KLF15: variants seen among roughly 807,000 people sequenced by gnomAD.
KLF15 encodes KLF transcription factor 15.
Under a neutral mutation model 24.6 loss-of-function variants are expected in KLF15, and 4 were observed. The ratio of observed to expected loss-of-function variants is 0.16; its 90% confidence interval spans 0.08 to 0.37. The LOEUF is 0.37. Ranked by LOEUF, KLF15 falls within the 10% of genes least tolerant of loss-of-function variation. The pLI, the probability that KLF15 is intolerant of heterozygous loss-of-function variation, is 1.00. For synonymous variants in KLF15, 246 were observed against 236.3 expected, an observed-to-expected ratio of 1.04 and a Z score of -0.37; for missense variants, 496 against 560.6, an observed-to-expected ratio of 0.88 and a Z score of 1.16.
At chr3:126,338,828 C>T (rs543261880), downstream of KLF15, among the ~76,000 whole-genome samples, 11 of 152,224 alleles carry the variant, frequency 7.2e-5, no homozygotes, top group East Asian at 1.5e-3. Flanking sequence ...CGTAGCCTTG[C>T]GCCTCACTCT....
chr3:126,346,270 T>A (rs2107552503), intron 2 of KLF15, among the ~76,000 whole-genome samples: 1 of 151,924 alleles, frequency 6.6e-6, no homozygotes, highest in South Asian at 2.1e-4. Flanking sequence ...AGACACAGAG[T>A]GCCACGCCTC....
At chr3:126,344,046 TC>T in intron 2 of KLF15, 151 bp from the exon 3 acceptor site, 5 of 747,490 alleles carry the variant, frequency 6.7e-6, no homozygotes, top group Non-Finnish European at 1.0e-5. Flanking sequence ...TAGGGGAGGG[TC>T]CCCCATCTAC....
chr3:126,353,222 A>T (rs1048413888), intron 1 of KLF15, among the ~76,000 whole-genome samples: 1 of 152,226 alleles, frequency 6.6e-6, no homozygotes, highest in Non-Finnish European at 1.5e-5. Context: ...AATAGCACAT[A>T]TGTCTGTGAA....
At chr3:126,302,351 A>G in the KLF15 span, among the ~76,000 whole-genome samples, 14 of 152,330 alleles carry the variant, frequency 9.2e-5, no homozygotes, top group South Asian at 2.7e-3. Context: ...ATATGTATCT[A>G]CTGTTATTGA....
At chr3:126,308,034 C>G in the KLF15 span, among the ~76,000 whole-genome samples, 2 of 152,202 alleles carry the variant, frequency 1.3e-5, no homozygotes, top group Non-Finnish European at 2.9e-5. Flanking sequence ...AGCTACCAAG[C>G]TGGGTCCTTA....
At chr3:126,355,299 A>C (rs909297076) in intron 1 of KLF15, among the ~76,000 whole-genome samples, 17 of 152,252 alleles carry the variant, frequency 1.1e-4, no homozygotes, top group Non-Finnish European at 2.4e-4. Context: ...GGAAGGAAAC[A>C]CCCTCCAATG....
At chr3:126,330,554 A>G in the KLF15 span, among the ~76,000 whole-genome samples, 1 of 150,204 alleles carries the variant, frequency 6.7e-6, no homozygotes, top group African/African-American at 2.5e-5. Flanking sequence ...TTCTTGTCAT[A>G]TTACATTGGC....
chr3:126,356,677 T>C lies in KLF15; in HGVS notation c.-26+560A>G, dbSNP rs1266333187. ...AGGCTGTCCGCGAAGGACTCGCGCG[T>C]GGAGCCGCCGTGGGTGCCGGCGGGT... On this transcript the variant is annotated intron_variant, in intron 1 of 2. Transcript: ENST00000296233. The surrounding 1 kb of genome is among the most constrained non-coding windows in gnomAD (Gnocchi z 4.4). Among the ~76,000 whole-genome samples, 2 of 151,656 alleles carry C rather than the reference T, an allele frequency of 1.3e-5. No homozygotes were observed. Among genetic ancestry groups the C allele is most frequent in the African/African-American group, 4.8e-5 (2 of 41,272 alleles).
chr3:126,341,589 A>G (rs1446127949), downstream of KLF15, among the ~76,000 whole-genome samples: 1 of 152,138 alleles, frequency 6.6e-6, no homozygotes, highest in African/African-American at 2.4e-5. Context: ...CCTCGGGACC[A>G]TGGCCAGTCA....
At chr3:126,329,202 T>G in the KLF15 span, among the ~76,000 whole-genome samples, 1 of 152,404 alleles carries the variant, frequency 6.6e-6, no homozygotes, top group Middle Eastern at 3.4e-3. Flanking sequence ...TCTCTTATCA[T>G]ATAAGTAACC....
the KLF15 span, among the ~76,000 whole-genome samples, chr3:126,326,598 T>C: frequency 6.6e-6 from 1 of 152,148 alleles, no homozygotes; most frequent in African/African-American, 2.4e-5. Context: ...ATGGAGCACG[T>C]TGGAGTGCAG....
At chr3:126,318,115 C>T in the KLF15 span, among the ~76,000 whole-genome samples, 1 of 152,184 alleles carries the variant, frequency 6.6e-6, no homozygotes, top group South Asian at 2.1e-4. Flanking sequence ...CGCTCTCACC[C>T]TGCCCACTCT....
In KLF15 at chr3:126,352,573, C is replaced by T. The variant is rs1446087991; in HGVS notation, c.350G>A (p.Gly117Glu). ...PWRRAAAPVK[G>E]EHFCLPEFPL... The stretch of plus-strand genomic sequence containing the variant: ...AAACTCGGGCAAGCAGAAATGCTCC[C>T]CCTTCACAGGGGCCGCTGCCCTTCG... The change falls in exon 2 of 3, where the codon GGG becomes GAG. Residue 117 changes from glycine to glutamate, a missense_variant. Transcript: ENST00000296233. 2.5e-6 allele frequency: 4 copies of T among 1,612,732 alleles called. No homozygotes were observed. The highest frequency in any genetic ancestry group is 2.5e-6 in the Non-Finnish European group (3 of 1,179,964).
chr3:126,353,373 C>T (rs967322369), intron 1 of KLF15, among the ~76,000 whole-genome samples: 10 of 152,188 alleles, frequency 6.6e-5, no homozygotes, highest in Admixed American at 2.0e-4. Context: ...CTCAGCTTCA[C>T]GCCTGTTGAG....
rs143338703 is a variant in KLF15 at position 126,345,413 on chromosome 3, T to C, written c.1083-1518A>G. 4.8e-3 allele frequency among the ~76,000 whole-genome samples: 728 copies of C among 151,494 alleles called. 5 individuals carry two copies. The highest frequency in any genetic ancestry group is 0.017 in the African/African-American group (696 of 41,268). ...GAGGAGGTGGATTTCAATGCAAGAGTGGGCACAGCAAGCAGCCCTAGGGGG... is the reference window on the plus strand; with the variant it reads ...GAGGAGGTGGATTTCAATGCAAGAGCGGGCACAGCAAGCAGCCCTAGGGGG... On this transcript the variant is annotated intron_variant, in intron 2 of 2. Transcript: ENST00000296233.
At chr3:126,292,853 AG>A in the KLF15 span, among the ~76,000 whole-genome samples, 4,963 of 152,176 alleles carry the variant, frequency 0.033, 261 homozygotes, top group African/African-American at 0.11. Context: ...AAGTCATTGC[AG>A]GGGTCCAAGC....
Position 126,352,626 on chromosome 3 carries a change from G to A in KLF15, c.297C>T (p.Ser99=). 1 of 1,602,870 alleles carries A rather than the reference G, an allele frequency of 6.2e-7. No homozygotes were observed. Among genetic ancestry groups the A allele is most frequent in the Non-Finnish European group, 8.5e-7 (1 of 1,175,490 alleles). Residue 99 remains serine, a synonymous_variant, in exon 2 of 3, where the codon AGC becomes AGT. Coordinates refer to ENST00000296233, the MANE Select transcript of KLF15 (RefSeq NM_014079.4). ...AGGGCCCCCAGGCCACGGGGCCACT[G>A]CTGGCCCCAATGCTACTGCCGCTGC... ...GGGSGSSIGA[S]SGPVAWGPWR...
chr3:126,343,464 A>C lies in KLF15; in HGVS notation c.*263T>G. 2 of 430,158 alleles carry C rather than the reference A, an allele frequency of 4.6e-6. No individual in the cohort carries two copies. The allele number at this position is 430,158 out of a possible 1,614,324, so 26.6% of individuals were successfully genotyped here. A position where few individuals can be genotyped will look rare whatever the true frequency, so the allele number is the denominator to read the frequency against. On this transcript the variant is annotated 3_prime_UTR_variant, in exon 3 of 3. Coordinates refer to ENST00000296233, the MANE Select transcript of KLF15 (RefSeq NM_014079.4). Reference sequence around the variant, plus strand: ...CAGCAGAGGCCTGGCCACCGCGGGAAGGCACGAAGGCACGAAGGCACGAAG... The same window carrying C: ...CAGCAGAGGCCTGGCCACCGCGGGACGGCACGAAGGCACGAAGGCACGAAG...
In KLF15 at chr3:126,352,581, A is replaced by G. The variant is rs754709958; in HGVS notation, c.342T>C (p.Pro114=). ...AWGPWRRAAA[P]VKGEHFCLPE... ...GCAAGCAGAAATGCTCCCCCTTCAC[A>G]GGGGCCGCTGCCCTTCGCCAGGGCC... Residue 114 remains proline (P), a synonymous_variant, in exon 2 of 3, where the codon CCT becomes CCC. Transcript: ENST00000296233. 4 of 1,612,402 alleles carry G rather than the reference A, an allele frequency of 2.5e-6. No individual in the cohort carries two copies. In the South Asian group the frequency reaches 4.4e-5, roughly 18 times the overall value.
Sources: gnomAD v4.1 joint callset for allele counts (sites outside exome capture counted in the v4.1 genomes callset) on GRCh38, gnomAD v4.1.1 for gene constraint, Gnocchi (gnomAD v3.1) non-coding constraint, MANE v1.5 for transcripts, NCBI Gene and HGNC (gene_info 2026-07-23, HGNC 2026-07-21) for gene names.